DNAH6: variants seen among roughly 807,000 people sequenced by gnomAD.
DNAH6 encodes axonemal beta dynein heavy chain 6.
In DNAH6, 340 loss-of-function variants were observed where a neutral mutation model predicts 491.4. That is an observed-to-expected ratio of 0.69 (90% CI 0.63 to 0.76). The LOEUF is 0.76. Ranked by LOEUF, DNAH6 falls within the 30% of genes least tolerant of loss-of-function variation. DNAH6 has a pLI of 0.00. For missense variants in DNAH6, 4,443 were observed against 4,972.2 expected (o/e 0.89, Z 3.20); for synonymous variants, 1,603 against 1,686.1 (o/e 0.95, Z 1.21).
chr2:84,537,736 G>A (rs1421440319), intron 4 of DNAH6, among the ~76,000 whole-genome samples: 1 of 152,054 alleles, frequency 6.6e-6, no homozygotes, highest in East Asian at 1.9e-4. Flanking sequence ...TCTCTCCCTA[G>A]TAGATGGTAG....
chr2:84,803,725 TATTA>T (rs1212202985), intron 70 of DNAH6, among the ~76,000 whole-genome samples: 1 of 152,152 alleles, frequency 6.6e-6, no homozygotes, highest in Non-Finnish European at 1.5e-5. Context: ...TAAGTAATAA[TATTA>T]ATTCTTGCGA....
intron 48 of DNAH6, among the ~76,000 whole-genome samples, 160 bp from the exon 49 acceptor site, chr2:84,700,937 C>G (rs1229793449): frequency 6.6e-6 from 1 of 152,186 alleles, no homozygotes; most frequent in Non-Finnish European, 1.5e-5. Flanking sequence ...ATGGACAGAG[C>G]CCTTCAGTTC....
chr2:84,612,924 T>C (rs1225847511), intron 22 of DNAH6, among the ~76,000 whole-genome samples: 1 of 152,044 alleles, frequency 6.6e-6, no homozygotes, highest in Non-Finnish European at 1.5e-5. Context: ...TGTTGAAACA[T>C]TGTGCTGGGA....
the DNAH6 span, among the ~76,000 whole-genome samples, chr2:84,491,192 A>C: frequency 6.6e-6 from 1 of 152,198 alleles, no homozygotes; most frequent in East Asian, 1.9e-4. Context: ...GAAACTGCCA[A>C]ACTGTTTTTC....
chr2:84,660,550 A>G (rs1258746057), intron 37 of DNAH6, among the ~76,000 whole-genome samples: 1 of 152,164 alleles, frequency 6.6e-6, no homozygotes, highest in Non-Finnish European at 1.5e-5. Flanking sequence ...GGAATCATCA[A>G]TGAATACTAA....
At chr2:84,704,420 A>G in intron 51 of DNAH6, 118 bp downstream of exon 51, 1 of 739,002 alleles carries the variant, frequency 1.4e-6, no homozygotes, top group South Asian at 1.9e-5. Context: ...TCAGTTGGTC[A>G]TTCAACAAAT....
At chr2:84,641,711 G>A (rs762677085) in intron 32 of DNAH6, among the ~76,000 whole-genome samples, 9 of 152,166 alleles carry the variant, frequency 5.9e-5, no homozygotes, top group Non-Finnish European at 1.0e-4. Flanking sequence ...GAATAACATC[G>A]GGATTGGGGA....
intron 16 of DNAH6, among the ~76,000 whole-genome samples, chr2:84,591,364 A>G (rs1684094886): frequency 6.6e-6 from 1 of 152,240 alleles, no homozygotes; most frequent in Non-Finnish European, 1.5e-5. Flanking sequence ...ATATCATGCC[A>G]TTTACAACAG....
chr2:84,487,521 T>A, the DNAH6 span, among the ~76,000 whole-genome samples: 3 of 152,170 alleles, frequency 2.0e-5, no homozygotes, highest in Non-Finnish European at 4.4e-5. Flanking sequence ...TAACAAAAAG[T>A]AATTCCTGCA....
intron 64 of DNAH6, 119 bp downstream of exon 64, chr2:84,763,064 A>G: frequency 1.4e-6 from 1 of 730,298 alleles, no homozygotes; most frequent in Non-Finnish European, 2.3e-6. Flanking sequence ...ATCACTTACT[A>G]CATAAATTTA....
chr2:84,777,739 G>A (rs1676286373), intron 64 of DNAH6: 12 of 853,492 alleles, frequency 1.4e-5, no homozygotes, highest in Non-Finnish European at 1.7e-5. Flanking sequence ...TCAGGTAACG[G>A]AATCGGGCTG....
At chr2:84,710,465 C>T in intron 56 of DNAH6, 53 bp downstream of exon 56, 2 of 1,534,494 alleles carry the variant, frequency 1.3e-6, no homozygotes, top group Non-Finnish European at 1.8e-6. Flanking sequence ...CAAATCATAT[C>T]TGGAATCCTA....
At chr2:84,728,179 T>C (rs1486902076) in intron 61 of DNAH6, among the ~76,000 whole-genome samples, 1 of 152,232 alleles carries the variant, frequency 6.6e-6, no homozygotes, top group East Asian at 1.9e-4. Context: ...TCTGCCATGA[T>C]TGTGAGGCCT....
At chr2:84,479,308 G>A in the DNAH6 span, among the ~76,000 whole-genome samples, 1 of 152,176 alleles carries the variant, frequency 6.6e-6, no homozygotes, top group Non-Finnish European at 1.5e-5. Context: ...CCCTTGCCGG[G>A]AACCTTTTCT....
chr2:84,518,478 G>A (rs957458052), intron 2 of DNAH6, among the ~76,000 whole-genome samples: 5 of 152,272 alleles, frequency 3.3e-5, no homozygotes, highest in African/African-American at 1.2e-4. Flanking sequence ...TTAATTTTTA[G>A]AAACCATTTA....
intron 11 of DNAH6, among the ~76,000 whole-genome samples, chr2:84,560,387 A>G (rs941776314): frequency 1.3e-5 from 2 of 152,026 alleles, no homozygotes; most frequent in Admixed American, 1.3e-4. Context: ...GTGAATCAAG[A>G]ATTTTATCTA....
At chr2:84,816,936 TGTG>T (rs1339195568) in intron 76 of DNAH6, among the ~76,000 whole-genome samples, 1 of 152,172 alleles carries the variant, frequency 6.6e-6, no homozygotes, top group Non-Finnish European at 1.5e-5. Flanking sequence ...GAAGTGACCC[TGTG>T]GAAGGAGCCA....
chr2:84,817,302 C>A (rs73946016), intron 76 of DNAH6, among the ~76,000 whole-genome samples: 1 of 152,084 alleles, frequency 6.6e-6, no homozygotes, highest in African/African-American at 2.4e-5. Context: ...CATTATCCAC[C>A]GTGCATATAA....
upstream of DNAH6, among the ~76,000 whole-genome samples, chr2:84,516,262 C>T (rs1215015378): frequency 6.6e-6 from 1 of 152,194 alleles, no homozygotes; most frequent in African/African-American, 2.4e-5. Flanking sequence ...TTTGGCTGCT[C>T]TGCCTACACC....
Sources: allele counts gnomAD v4.1 joint callset (sites outside exome capture counted in the v4.1 genomes callset), GRCh38; gene constraint gnomAD v4.1.1; transcripts MANE v1.5; gene names NCBI Gene and HGNC (gene_info 2026-07-23, HGNC 2026-07-21).